Variants in HMBOX1 observed in about 807,000 individuals in gnomAD.
HMBOX1 encodes homeobox containing 1.
A neutral mutation model predicts 54.5 loss-of-function variants in HMBOX1; 14 were observed. The observed-to-expected ratio is 0.26, with a 90% CI of 0.17 to 0.40. The LOEUF (loss-of-function observed/expected upper bound fraction) is 0.40, where lower values mean the gene tolerates loss of function less well. Among genes scored for constraint, HMBOX1 ranks in the 10% least tolerant of loss-of-function variants. HMBOX1 has a pLI of 1.00. For synonymous variants in HMBOX1, 160 were observed against 181.0 expected (o/e 0.88, Z 0.93); for missense variants, 332 against 514.4 (o/e 0.65, Z 3.43).
chr8:28,988,795 A>G (rs532873639), intron 4 of HMBOX1, among the ~76,000 whole-genome samples: 157 of 152,242 alleles, frequency 1.0e-3, no homozygotes, highest in African/African-American at 3.7e-3. Flanking sequence ...CTTATTTATT[A>G]TAAGAGCTTT....
chr8:28,975,994 A>G (rs1364286827), intron 3 of HMBOX1, among the ~76,000 whole-genome samples: 1 of 152,234 alleles, frequency 6.6e-6, no homozygotes, highest in African/African-American at 2.4e-5. Context: ...AGTTTGAACA[A>G]CAAAGCTAAC....
intron 5 of HMBOX1, among the ~76,000 whole-genome samples, chr8:29,013,793 T>C (rs1472943139): frequency 1.3e-5 from 2 of 152,236 alleles, no homozygotes; most frequent in Non-Finnish European, 2.9e-5. Context: ...TTAATCAAAT[T>C]AAGTTCACAG....
chr8:28,929,227 T>C (rs1819055876), intron 1 of HMBOX1, among the ~76,000 whole-genome samples: 1 of 152,204 alleles, frequency 6.6e-6, no homozygotes, highest in African/African-American at 2.4e-5. Context: ...TACCCATGGC[T>C]TTTTGTATCA....
intron 1 of HMBOX1, among the ~76,000 whole-genome samples, chr8:28,922,467 A>G (rs1817721612): frequency 6.6e-6 from 1 of 152,214 alleles, no homozygotes; most frequent in Non-Finnish European, 1.5e-5. Flanking sequence ...TTTTTAAAGT[A>G]CTTTTATCTT....
At chr8:28,953,802 A>T (rs1823935778) in intron 1 of HMBOX1, among the ~76,000 whole-genome samples, 1 of 152,198 alleles carries the variant, frequency 6.6e-6, no homozygotes, top group Non-Finnish European at 1.5e-5. Context: ...ATAGGTATAT[A>T]AGCGTTCATT....
At chr8:29,045,510 G>C (rs1805442502) in intron 7 of HMBOX1, 67 bp downstream of exon 7, 1 of 1,268,978 alleles carries the variant, frequency 7.9e-7, no homozygotes, top group African/African-American at 1.5e-5. Context: ...TGGCATCTAG[G>C]ACACTTAATC....
intron 6 of HMBOX1, among the ~76,000 whole-genome samples, chr8:29,021,752 C>T (rs944716212): frequency 8.7e-5 from 13 of 150,104 alleles, no homozygotes; most frequent in Non-Finnish European, 3.0e-5. Context: ...CCCAGCTACT[C>T]GGGAGGCTGA....
intron 6 of HMBOX1, among the ~76,000 whole-genome samples, chr8:29,021,822 T>C (rs2133042806): frequency 6.8e-6 from 1 of 147,380 alleles, no homozygotes; most frequent in Admixed American, 6.8e-5. Flanking sequence ...ATCGTGCCAC[T>C]GCACTCGAGC....
intron 6 of HMBOX1, among the ~76,000 whole-genome samples, chr8:29,033,912 A>G (rs1803419638): frequency 6.6e-6 from 1 of 152,244 alleles, no homozygotes; most frequent in African/African-American, 2.4e-5. Context: ...CAACTTATAG[A>G]CGAATTGGAA....
chr8:28,925,781 A>G lies in HMBOX1; in HGVS notation c.-58+35103A>G, dbSNP rs377332042. ...ATTTGATCCTCATAAAGGCTTTTTT[A>G]TATTTTAAAAATAATGTATTAAAAA... On this transcript the variant is annotated intron_variant, in intron 1 of 9. Coordinates refer to ENST00000287701, the MANE Select transcript of HMBOX1 (RefSeq NM_001135726.3). 2.0e-5 allele frequency among the ~76,000 whole-genome samples: 3 copies of G among 152,024 alleles called. No homozygotes were observed. In the East Asian group the frequency reaches 5.8e-4, roughly 29 times the overall value.
rs188153614 is a variant in HMBOX1, at chr8:28,979,591, T to C, written c.501-480T>C. ...CGGTTGTGAGAATGATGATTGCTTT[T>C]TCCTTAATCATTTTAAAGGTTTTTA... On this transcript the variant is annotated intron_variant, in intron 3 of 9. Transcript: ENST00000287701. Among the ~76,000 whole-genome samples the C allele has an allele frequency of 3.4e-3, 511 of 152,352 alleles. 4 individuals carry two copies. The highest frequency in any genetic ancestry group is 0.011 in the African/African-American group (475 of 41,586).
At chr8:29,008,193 T>C (rs1436427414) in intron 4 of HMBOX1, among the ~76,000 whole-genome samples, 1 of 152,228 alleles carries the variant, frequency 6.6e-6, no homozygotes, top group Non-Finnish European at 1.5e-5. Flanking sequence ...CAGTTTTGTC[T>C]TTCCTGTTGT....
chr8:28,966,627 C>G (rs761180728), intron 2 of HMBOX1, among the ~76,000 whole-genome samples: 1 of 152,064 alleles, frequency 6.6e-6, no homozygotes. Flanking sequence ...TGTGAAATGC[C>G]GGAGTATATG....
chr8:28,932,099 T>G (rs892403121), intron 1 of HMBOX1, among the ~76,000 whole-genome samples: 3 of 152,102 alleles, frequency 2.0e-5, no homozygotes, highest in Non-Finnish European at 4.4e-5. Flanking sequence ...AGTACCTGAG[T>G]AATAAGAAGG....
At chr8:28,924,450 A>T (rs1237669142) in intron 1 of HMBOX1, among the ~76,000 whole-genome samples, 64 of 127,848 alleles carry the variant, frequency 5.0e-4, no homozygotes, top group Non-Finnish European at 8.7e-4. Flanking sequence ...AATTTATCTA[A>T]TTTTTTTTTT....
At chr8:28,911,296 C>T (rs538622188) in intron 1 of HMBOX1, among the ~76,000 whole-genome samples, 2 of 152,352 alleles carry the variant, frequency 1.3e-5, no homozygotes, top group South Asian at 4.1e-4. Flanking sequence ...AGCCACACCA[C>T]AGGTGCAGTC....
At chr8:29,012,548 A>G (rs991170595) in intron 5 of HMBOX1, among the ~76,000 whole-genome samples, 5 of 152,254 alleles carry the variant, frequency 3.3e-5, no homozygotes, top group Admixed American at 1.3e-4. Flanking sequence ...ACACACACAC[A>G]TACACATGTA....
At chr8:28,973,792 T>A (rs1453561032) in intron 3 of HMBOX1, among the ~76,000 whole-genome samples, 2 of 148,802 alleles carry the variant, frequency 1.3e-5, no homozygotes, top group African/African-American at 4.9e-5. Flanking sequence ...AATTTCGAGA[T>A]ACATAATGGA....
At chr8:29,043,577 G>A (rs924432373) in intron 6 of HMBOX1, among the ~76,000 whole-genome samples, 2 of 152,164 alleles carry the variant, frequency 1.3e-5, no homozygotes, top group South Asian at 2.1e-4. Context: ...TCTGCTTTTC[G>A]TTTTTGTATA....
Sources: allele counts gnomAD v4.1 joint callset (sites outside exome capture counted in the v4.1 genomes callset), GRCh38; gene constraint gnomAD v4.1.1; transcripts MANE v1.5; gene names NCBI Gene and HGNC (gene_info 2026-07-23, HGNC 2026-07-21).